The following MOSPD1 variants were observed in gnomAD, a reference collection of about 807,000 sequenced individuals.
The protein encoded by MOSPD1 is motile sperm domain-containing protein 1.
In MOSPD1, 5 loss-of-function variants were observed where a neutral mutation model predicts 16.7. The observed-to-expected ratio is 0.30, with a 90% CI of 0.16 to 0.63. The LOEUF (loss-of-function observed/expected upper bound fraction) is 0.63, where lower values mean the gene tolerates loss of function less well. Ranked by LOEUF, MOSPD1 falls within the 30% of genes least tolerant of loss-of-function variation. MOSPD1 has a pLI of 0.82. For synonymous variants in MOSPD1, 67 were observed against 59.2 expected, an observed-to-expected ratio of 1.13 and a Z score of -0.61; for missense variants, 104 against 153.6, an observed-to-expected ratio of 0.68 and a Z score of 1.71.
In MOSPD1 at chrX:134,887,709, T is replaced by TTGCACACACG. The variant is rs1340932717; in HGVS notation, c.*1442_*1451dup. ...TGTTATTACACACACACATGTGCAC[T>TTGCACACACG]TGCACACACGTGCACACACAGGACT... On this transcript the variant is annotated 3_prime_UTR_variant, in exon 6 of 6. Transcript: ENST00000370783. 8.8e-6 allele frequency: 1 copy of TTGCACACACG among 113,377 alleles called. No individual in the cohort carries two copies. Among genetic ancestry groups the TTGCACACACG allele is most frequent in the East Asian group, 2.8e-4 (1 of 3,622 alleles). 9.3% of individuals were successfully genotyped at this position (113,377 alleles called of 1,213,427 possible). A position where few individuals can be genotyped will look rare whatever the true frequency, so the allele number is the denominator to read the frequency against.
intron 3 of MOSPD1, 38 bp from the exon 4 acceptor site, chrX:134,897,072 C>G: frequency 9.9e-7 from 1 of 1,011,707 alleles, no homozygotes; most frequent in East Asian, 3.1e-5. Flanking sequence ...GTTTAGATTT[C>G]TGGGGGCCGG....
At chrX:134,914,949 C>T (rs2148402442) in intron 1 of MOSPD1, among the ~76,000 whole-genome samples, 1 of 112,618 alleles carries the variant, frequency 8.9e-6, no homozygotes, top group South Asian at 3.7e-4. Context: ...TGGGGCCGGG[C>T]GCCGCGGGCG....
At chrX:134,889,292 G>T in intron 5 of MOSPD1, 100 bp from the exon 6 acceptor site, 1 of 582,985 alleles carries the variant, frequency 1.7e-6, no homozygotes, top group Non-Finnish European at 2.6e-6. Context: ...ATACAACATA[G>T]CACATAGGCA....
intron 4 of MOSPD1, 130 bp downstream of exon 4, chrX:134,896,687 A>C (rs749402053): frequency 2.0e-6 from 1 of 498,760 alleles, no homozygotes; most frequent in Non-Finnish European, 3.4e-6. Context: ...CTCTAGGTGC[A>C]GTTTTGAAGT....
chrX:134,899,182 C>T lies in MOSPD1; in HGVS notation c.155-17G>A. The T allele has an allele frequency of 8.5e-7, 1 of 1,170,732 alleles. No homozygotes were observed. ...TACACAAAACTGAAAGAAAAAGTCACAATGGCCATTAGTGTTTTTTTTTTT... is the reference window on the plus strand; with the variant it reads ...TACACAAAACTGAAAGAAAAAGTCATAATGGCCATTAGTGTTTTTTTTTTT... On this transcript the variant is annotated splice_polypyrimidine_tract_variant and intron_variant, in intron 2 of 5. Coordinates refer to ENST00000370783, the MANE Select transcript of MOSPD1 (RefSeq NM_019556.3).
intron 1 of MOSPD1, among the ~76,000 whole-genome samples, chrX:134,905,370 G>GAA (rs1207222310): frequency 3.6e-3 from 172 of 48,354 alleles, no homozygotes; most frequent in African/African-American, 8.9e-3. Flanking sequence ...GTCTCAAAAA[G>GAA]AAAAAAAAAA....
chrX:134,891,852 C>T, intron 4 of MOSPD1, among the ~76,000 whole-genome samples: 2 of 111,619 alleles, frequency 1.8e-5, no homozygotes, highest in East Asian at 5.6e-4. Flanking sequence ...GGAATGCTGA[C>T]GTGGCATTGT....
chrX:134,899,168 GA>G lies in MOSPD1; in HGVS notation c.155-4del. The stretch of plus-strand genomic sequence containing the variant: ...CTTATTTGGAGTAGTACACAAAACT[GA>G]AAGAAAAAGTCACAATGGCCATTAG... On this transcript the variant is annotated splice_polypyrimidine_tract_variant and splice_region_variant and intron_variant, in intron 2 of 5. Transcript: ENST00000370783. 1 of 1,181,876 alleles carries G rather than the reference GA, an allele frequency of 8.5e-7. No homozygotes were observed. The highest frequency in any genetic ancestry group is 1.1e-6 in the Non-Finnish European group (1 of 882,384).
Position 134,889,027 on chromosome X carries a change from A to G in MOSPD1, c.*134T>C. 1 of 333,934 alleles carries G rather than the reference A, an allele frequency of 3.0e-6. No individual in the cohort carries two copies. The highest frequency in any genetic ancestry group is 5.1e-6 in the Non-Finnish European group (1 of 194,953). 27.5% of individuals were successfully genotyped at this position (333,934 alleles called of 1,213,427 possible). On this transcript the variant is annotated 3_prime_UTR_variant, in exon 6 of 6. Coordinates refer to ENST00000370783, the MANE Select transcript of MOSPD1 (RefSeq NM_019556.3). Reference sequence around the variant, plus strand: ...CAAATTAAATTATAATTTAAAATATATATTATACATTTGCAATTATTTGAA... The same window carrying G: ...CAAATTAAATTATAATTTAAAATATGTATTATACATTTGCAATTATTTGAA...
intron 1 of MOSPD1, among the ~76,000 whole-genome samples, chrX:134,905,564 T>TA (rs56221511): frequency 0.41 from 43,258 of 105,581 alleles, 7,365 homozygotes; most frequent in African/African-American, 0.58. Flanking sequence ...AACGAATATT[T>TA]AAAAAAAAAA....
chrX:134,907,603 G>A (rs1239831634), intron 1 of MOSPD1, among the ~76,000 whole-genome samples: 7 of 112,297 alleles, frequency 6.2e-5, no homozygotes, highest in African/African-American at 2.3e-4. Context: ...AGTGGCTCAC[G>A]CCTGTAATCT....
chrX:134,901,493 T>C (rs910834465), intron 1 of MOSPD1, among the ~76,000 whole-genome samples: 2 of 110,512 alleles, frequency 1.8e-5, no homozygotes, highest in African/African-American at 6.6e-5. Flanking sequence ...CTACTAAAAA[T>C]ACAAAAATTA....
intron 1 of MOSPD1, among the ~76,000 whole-genome samples, chrX:134,908,416 G>A (rs991950497): frequency 2.7e-5 from 3 of 111,733 alleles, no homozygotes; most frequent in African/African-American, 9.8e-5. Flanking sequence ...GGAGAGCAGA[G>A]AGAATCAGCA....
intron 4 of MOSPD1, among the ~76,000 whole-genome samples, chrX:134,896,015 T>A (rs2082883335): frequency 9.0e-6 from 1 of 111,366 alleles, no homozygotes. Context: ...AGATTTTTTT[T>A]AATCCTTCAT....
At chrX:134,896,380 C>T (rs191202664) in intron 4 of MOSPD1, among the ~76,000 whole-genome samples, 99 of 108,824 alleles carry the variant, frequency 9.1e-4, no homozygotes, top group African/African-American at 3.1e-3. Flanking sequence ...ATAATATGAA[C>T]AGTGCACTAA....
chrX:134,904,849 G>A (rs778617883), intron 1 of MOSPD1, among the ~76,000 whole-genome samples: 1 of 106,175 alleles, frequency 9.4e-6, no homozygotes, highest in African/African-American at 3.5e-5. Context: ...GAGACAGAGT[G>A]AGACTCCATC....
At chrX:134,915,068 C>G (rs1205785303) in intron 1 of MOSPD1, 114 bp downstream of exon 1, 1 of 113,524 alleles carries the variant, frequency 8.8e-6, no homozygotes, top group Non-Finnish European at 1.9e-5. Flanking sequence ...ATCACAGAGC[C>G]AAGCTCCGGC....
chrX:134,906,980 G>A (rs1000314698), intron 1 of MOSPD1, among the ~76,000 whole-genome samples: 5 of 111,593 alleles, frequency 4.5e-5, no homozygotes, highest in African/African-American at 1.3e-4. Context: ...TGTAATCCTA[G>A]CACTTTGGAA....
At chrX:134,903,125 A>G (rs1293106324) in intron 1 of MOSPD1, among the ~76,000 whole-genome samples, 1 of 110,577 alleles carries the variant, frequency 9.0e-6, no homozygotes, top group Non-Finnish European at 1.9e-5. Context: ...AACTCTGTCG[A>G]GATGAGAATT....
Sources: allele counts gnomAD v4.1 joint callset (sites outside exome capture counted in the v4.1 genomes callset), GRCh38; gene constraint gnomAD v4.1.1; transcripts MANE v1.5; gene names NCBI Gene and HGNC (gene_info 2026-07-23, HGNC 2026-07-21).